The following ALPK2 variants were observed in gnomAD, a reference collection of about 807,000 sequenced individuals.
The protein encoded by ALPK2 is alpha-protein kinase 2.
A neutral mutation model predicts 163.1 loss-of-function variants in ALPK2; 127 were observed. The observed-to-expected ratio is 0.78, with a 90% CI of 0.67 to 0.90. The LOEUF (loss-of-function observed/expected upper bound fraction) is 0.90. Ranked by LOEUF, ALPK2 falls within the 40% of genes least tolerant of loss-of-function variation. The probability of loss-of-function intolerance (pLI) is 0.00; values close to 1 mark genes in which losing one functional copy is unlikely to be tolerated. For synonymous variants in ALPK2, 953 were observed against 959.1 expected, an observed-to-expected ratio of 0.99 and a Z score of 0.12; for missense variants, 2,360 against 2,589.6, an observed-to-expected ratio of 0.91 and a Z score of 1.92.
rs983930873 is a variant in ALPK2, at chr18:58,562,549, A to G, written c.1962+16265T>C. On this transcript the variant is annotated intron_variant, in intron 4 of 12. Transcript: ENST00000361673. ...CTAACCTCTGGTATAAATTAGGTAC[A>G]CATGGAAGCTATTTTTGACTACAGG... Among the ~76,000 whole-genome samples the G allele has an allele frequency of 3.9e-5, 6 of 152,260 alleles. No homozygotes were observed. The East Asian group carries it at 1.2e-3, about 29-fold the overall frequency.
intron 4 of ALPK2, among the ~76,000 whole-genome samples, chr18:58,570,172 A>T (rs2051878886): frequency 6.6e-6 from 1 of 151,464 alleles, no homozygotes; most frequent in Non-Finnish European, 1.5e-5. Context: ...CGCCCTTCCC[A>T]TCATCGGCTA....
intron 6 of ALPK2, 163 bp downstream of exon 6, chr18:58,528,928 A>G (rs773168785): frequency 8.1e-5 from 69 of 850,340 alleles, no homozygotes; most frequent in Non-Finnish European, 1.1e-4. Flanking sequence ...CCATCCAGAC[A>G]CTTGTCTTCC....
At chr18:58,519,135 T>TA (rs1242608160) in intron 8 of ALPK2, among the ~76,000 whole-genome samples, 1 of 152,176 alleles carries the variant, frequency 6.6e-6, no homozygotes, top group African/African-American at 2.4e-5. Context: ...TTTTCTCAGA[T>TA]AAAGTTTTAG....
rs73447244 is a variant in ALPK2, at chr18:58,592,849, C to A, written c.228-12301G>T. Reference sequence around the variant, plus strand: ...GGAGAAGCCACTTGACAGCTCTGGACAATAGCTGAACCTCCATCAACCCGG... The same window carrying A: ...GGAGAAGCCACTTGACAGCTCTGGAAAATAGCTGAACCTCCATCAACCCGG... On this transcript the variant is annotated intron_variant, in intron 3 of 12. Transcript: ENST00000361673. Among the ~76,000 whole-genome samples the A allele has an allele frequency of 7.0e-3, 1,072 of 152,280 alleles. 19 individuals are homozygous for A. Among genetic ancestry groups the A allele is most frequent in the African/African-American group, 0.024 (1,017 of 41,550 alleles).
At chr18:58,563,977 T>G (rs1436526980) in intron 4 of ALPK2, among the ~76,000 whole-genome samples, 1 of 152,172 alleles carries the variant, frequency 6.6e-6, no homozygotes, top group Non-Finnish European at 1.5e-5. Flanking sequence ...AAAATCTGTT[T>G]CCATACAGTC....
At chr18:58,612,013 G>A (rs1297095428) in intron 1 of ALPK2, among the ~76,000 whole-genome samples, 196 bp from the exon 2 acceptor site, 2 of 152,168 alleles carry the variant, frequency 1.3e-5, no homozygotes, top group Non-Finnish European at 2.9e-5. Context: ...GTATTTCGGG[G>A]ATGTCCTGTG....
intron 3 of ALPK2, 127 bp from the exon 4 acceptor site, chr18:58,580,675 C>T: frequency 2.1e-6 from 2 of 957,540 alleles, no homozygotes; most frequent in Non-Finnish European, 3.1e-6. Flanking sequence ...TGTGATCTCC[C>T]TGGAAAAGAG....
intron 4 of ALPK2, among the ~76,000 whole-genome samples, chr18:58,552,252 G>A (rs1024304877): frequency 6.6e-6 from 1 of 152,158 alleles, no homozygotes; most frequent in African/African-American, 2.4e-5. Context: ...TGTGGTAGAG[G>A]CAGTCAATTG....
intron 12 of ALPK2, among the ~76,000 whole-genome samples, chr18:58,490,904 A>T (rs2051371199): frequency 6.6e-6 from 1 of 152,246 alleles, no homozygotes; most frequent in African/African-American, 2.4e-5. Context: ...TTGAGGTCGC[A>T]TGAGTCCCAT....
At position 58,563,228 on chromosome 18, in the gene ALPK2, A is replaced by G. The variant is rs560981918; in HGVS notation, c.1962+15586T>C. On this transcript the variant is annotated intron_variant, in intron 4 of 12. Transcript: ENST00000361673. Reference sequence around the variant, plus strand: ...TCCTATCTAGCATCTAACTTTCAATATCTGCTCATGATCACACTATTCCCT... The same window carrying G: ...TCCTATCTAGCATCTAACTTTCAATGTCTGCTCATGATCACACTATTCCCT... Among the ~76,000 whole-genome samples the G allele has an allele frequency of 1.3e-3, 199 of 152,326 alleles. 1 individual carries two copies. Among genetic ancestry groups the G allele is most frequent in the African/African-American group, 4.6e-3 (191 of 41,564 alleles).
At chr18:58,556,183 A>ACACACACACACACACG (rs2051790198) in intron 4 of ALPK2, among the ~76,000 whole-genome samples, 1 of 151,918 alleles carries the variant, frequency 6.6e-6, no homozygotes, top group African/African-American at 2.4e-5. Context: ...ACACACACAC[A>ACACACACACACACACG]CACGCACACA....
At position 58,536,120 on chromosome 18, in the gene ALPK2, G is replaced by C; in HGVS notation, c.4067C>G (p.Ser1356Ter). Reference protein sequence around the residue: ...VDEKELSVTDSLSAASETGGK... With the variant: ...VDEKELSVTD ...TCCAGTTTCAGAAGCCGCTGACAGT[G>C]AATCTGTGACAGATAACTCCTTTTC... The change falls in exon 5 of 13, where the codon TCA (serine) becomes TGA (stop). Residue 1356 changes from serine (S) to a stop codon, truncating the protein, a stop_gained. Transcript: ENST00000361673. LOFTEE classifies it high-confidence loss of function. 2 of 1,614,124 alleles carry C rather than the reference G, an allele frequency of 1.2e-6. No individual in the cohort carries two copies. The highest frequency in any genetic ancestry group is 1.7e-6 in the Non-Finnish European group (2 of 1,180,036).
intron 10 of ALPK2, among the ~76,000 whole-genome samples, chr18:58,511,228 G>T (rs556139266): frequency 1.3e-5 from 2 of 152,294 alleles, no homozygotes; most frequent in South Asian, 2.1e-4. Flanking sequence ...GCATCCCAGG[G>T]ATGAAGCCCA....
At chr18:58,607,268 C>T in intron 3 of ALPK2, 54 bp downstream of exon 3, 1 of 1,317,378 alleles carries the variant, frequency 7.6e-7, no homozygotes, top group Non-Finnish European at 1.1e-6. Context: ...GTAATCAGCA[C>T]ATGACAGAAT....
chr18:58,520,301 G>T (rs1359250278), intron 8 of ALPK2, among the ~76,000 whole-genome samples: 1 of 151,836 alleles, frequency 6.6e-6, no homozygotes, highest in Non-Finnish European at 1.5e-5. Context: ...GTGGTGGCAG[G>T]TGCCTGTAAT....
At chr18:58,490,263 A>G (rs1487069430) in intron 12 of ALPK2, among the ~76,000 whole-genome samples, 1 of 152,186 alleles carries the variant, frequency 6.6e-6, no homozygotes, top group African/African-American at 2.4e-5. Context: ...GTCCCCCTTG[A>G]GGATGTCTAC....
intron 1 of ALPK2, among the ~76,000 whole-genome samples, chr18:58,626,244 G>A (rs764540959): frequency 1.3e-5 from 2 of 152,098 alleles, no homozygotes; most frequent in Non-Finnish European, 2.9e-5. Flanking sequence ...CCACAAGCCC[G>A]CTTGTGAATC....
intron 11 of ALPK2, among the ~76,000 whole-genome samples, chr18:58,502,495 C>T: frequency 6.6e-6 from 1 of 152,178 alleles, no homozygotes; most frequent in East Asian, 1.9e-4. Context: ...AGGTAATTTG[C>T]CCACAGGCTA....
At chr18:58,551,201 C>A (rs1383024628) in intron 4 of ALPK2, among the ~76,000 whole-genome samples, 1 of 152,064 alleles carries the variant, frequency 6.6e-6, no homozygotes, top group Admixed American at 6.5e-5. Context: ...CAAATGACCA[C>A]AAACTGGGCA....
Sources: gnomAD v4.1 joint callset for allele counts (sites outside exome capture counted in the v4.1 genomes callset) on GRCh38, gnomAD v4.1.1 for gene constraint, MANE v1.5 for transcripts, NCBI Gene and HGNC (gene_info 2026-07-23, HGNC 2026-07-21) for gene names.